The following PRIM2 variants were observed in gnomAD, a reference collection of about 807,000 sequenced individuals.
PRIM2 encodes the protein DNA primase large subunit.
In PRIM2, 39 loss-of-function variants were observed where a neutral mutation model predicts 67.3. The observed-to-expected ratio is 0.58, with a 90% CI of 0.45 to 0.76. The LOEUF (loss-of-function observed/expected upper bound fraction) is 0.76. Among genes scored for constraint, PRIM2 ranks in the 30% least tolerant of loss-of-function variants. The probability of loss-of-function intolerance (pLI) is 0.00; values close to 1 mark genes in which losing one functional copy is unlikely to be tolerated. For missense variants in PRIM2, 398 were observed against 598.7 expected, an observed-to-expected ratio of 0.66 and a Z score of 3.50; for synonymous variants, 143 against 198.7, an observed-to-expected ratio of 0.72 and a Z score of 2.36.
intron 7 of PRIM2, among the ~76,000 whole-genome samples, chr6:57,491,009 G>A (rs1323030654): frequency 6.6e-6 from 1 of 152,262 alleles, no homozygotes; most frequent in Admixed American, 6.5e-5. Flanking sequence ...AGAATTTGAA[G>A]GAGAGAAAAA....
chr6:57,287,633 A>G, the PRIM2 span, among the ~76,000 whole-genome samples: 1 of 152,090 alleles, frequency 6.6e-6, no homozygotes, highest in Non-Finnish European at 1.5e-5. Context: ...GAGGAGGGAG[A>G]GCATTAAGAC....
chr6:57,398,340 A>G (rs1317578058), intron 7 of PRIM2, among the ~76,000 whole-genome samples: 1 of 152,036 alleles, frequency 6.6e-6, no homozygotes, highest in African/African-American at 2.4e-5. Context: ...AGAAATTCTA[A>G]TATGTTGTAT....
At chr6:57,299,517 A>G in the PRIM2 span, among the ~76,000 whole-genome samples, 1 of 152,214 alleles carries the variant, frequency 6.6e-6, no homozygotes, top group Non-Finnish European at 1.5e-5. Context: ...GTCCGAAGTG[A>G]TAACTTCCTG....
intron 12 of PRIM2, among the ~76,000 whole-genome samples, chr6:57,628,518 G>T: frequency 6.6e-6 from 1 of 152,070 alleles, no homozygotes; most frequent in East Asian, 1.9e-4. Context: ...AGATTCAGGG[G>T]GGCACATGTG....
intron 10 of PRIM2, among the ~76,000 whole-genome samples, chr6:57,537,899 T>C (rs1181826887): frequency 6.0e-4 from 91 of 152,334 alleles, no homozygotes; most frequent in South Asian, 2.5e-3. Flanking sequence ...TAGGAATGTA[T>C]GTGTGTCTAT....
At chr6:57,545,958 A>G (rs1416749938) in intron 10 of PRIM2, among the ~76,000 whole-genome samples, 3 of 152,194 alleles carry the variant, frequency 2.0e-5, no homozygotes, top group Non-Finnish European at 2.9e-5. Context: ...CCTAATTACT[A>G]AAGATAGATT....
At chr6:57,441,937 G>GT (rs1415829023) in intron 7 of PRIM2, among the ~76,000 whole-genome samples, 1 of 151,476 alleles carries the variant, frequency 6.6e-6, no homozygotes, top group Admixed American at 6.6e-5. Flanking sequence ...GTACCCAGTT[G>GT]TTTTTTATAT....
At chr6:57,563,364 TATC>T (rs1169167471) in intron 10 of PRIM2, among the ~76,000 whole-genome samples, 1 of 151,366 alleles carries the variant, frequency 6.6e-6, no homozygotes, top group Non-Finnish European at 1.5e-5. Flanking sequence ...GAACATCAAT[TATC>T]ATTGTATAGT....
At chr6:57,415,026 A>G (rs1280105191) in intron 7 of PRIM2, among the ~76,000 whole-genome samples, 3 of 152,176 alleles carry the variant, frequency 2.0e-5, no homozygotes, top group African/African-American at 4.8e-5. Context: ...GGTATAGACT[A>G]GAAGTGGTTT....
At chr6:57,290,171 A>C in the PRIM2 span, among the ~76,000 whole-genome samples, 1 of 152,176 alleles carries the variant, frequency 6.6e-6, no homozygotes, top group Non-Finnish European at 1.5e-5. Context: ...GTCTCTGATA[A>C]AACAGACTTC....
chr6:57,418,025 T>G (rs1279707732), intron 7 of PRIM2, among the ~76,000 whole-genome samples: 1 of 152,170 alleles, frequency 6.6e-6, no homozygotes, highest in African/African-American at 2.4e-5. Context: ...TGCAAATATG[T>G]GAATACTTAT....
chr6:57,297,469 A>G, the PRIM2 span, among the ~76,000 whole-genome samples: 1 of 152,188 alleles, frequency 6.6e-6, no homozygotes, highest in African/African-American at 2.4e-5. Flanking sequence ...ATAGAAAAAT[A>G]TCATTTGGCA....
chr6:57,325,722 C>T (rs1029734635), intron 4 of PRIM2, among the ~76,000 whole-genome samples: 10 of 152,260 alleles, frequency 6.6e-5, no homozygotes, highest in Non-Finnish European at 1.2e-4. Context: ...TTTAACACCC[C>T]CTATACCTTG....
chr6:57,462,060 C>T (rs1773025253), intron 7 of PRIM2, among the ~76,000 whole-genome samples: 1 of 152,150 alleles, frequency 6.6e-6, no homozygotes, highest in Non-Finnish European at 1.5e-5. Flanking sequence ...AGGTATCTGT[C>T]CAGTGCATGT....
the PRIM2 span, among the ~76,000 whole-genome samples, chr6:57,299,082 CTCTT>C: frequency 6.6e-6 from 1 of 150,662 alleles, no homozygotes; most frequent in South Asian, 2.1e-4. Flanking sequence ...GTCTCTCTCT[CTCTT>C]TTTCTGTGTG....
chr6:57,472,741 G>T (rs1457945712), intron 7 of PRIM2, among the ~76,000 whole-genome samples: 2 of 152,178 alleles, frequency 1.3e-5, no homozygotes, highest in Non-Finnish European at 2.9e-5. Flanking sequence ...CATTGTGAAA[G>T]TTGGCCTTAC....
chr6:57,388,574 A>G (rs1770226391), intron 7 of PRIM2, among the ~76,000 whole-genome samples: 1 of 152,178 alleles, frequency 6.6e-6, no homozygotes, highest in African/African-American at 2.4e-5. Context: ...TAAGGCAGGT[A>G]CCATTATCAC....
rs1772340212 is a variant in PRIM2, at chr6:57,445,596, T to A, written c.694-61791T>A. ...CCCCCAACCCTTTCTCACTGCCCTGTGTCCTTAGCTACCTCAGCCACTATG... is the reference window on the plus strand; with the variant it reads ...CCCCCAACCCTTTCTCACTGCCCTGAGTCCTTAGCTACCTCAGCCACTATG... On this transcript the variant is annotated intron_variant, in intron 7 of 13. Coordinates refer to ENST00000615550, the MANE Select transcript of PRIM2 (RefSeq NM_000947.5). Among the ~76,000 whole-genome samples, 3 of 152,144 alleles carry A rather than the reference T, an allele frequency of 2.0e-5. No individual in the cohort carries two copies. The South Asian group carries it at 6.2e-4, about 32-fold the overall frequency.
upstream of PRIM2, among the ~76,000 whole-genome samples, chr6:57,311,204 C>CAA (rs1767378989): frequency 7.2e-6 from 1 of 138,388 alleles, no homozygotes; most frequent in East Asian, 2.3e-4. Context: ...ACCTCCCAGA[C>CAA]GGGGCGGCCG....
Sources: allele counts gnomAD v4.1 joint callset (sites outside exome capture counted in the v4.1 genomes callset), GRCh38; gene constraint gnomAD v4.1.1; transcripts MANE v1.5; gene names NCBI Gene and HGNC (gene_info 2026-07-23, HGNC 2026-07-21).